The following CSMD1 variants were observed in gnomAD, a reference collection of about 807,000 sequenced individuals.
CSMD1 encodes the protein CUB and Sushi multiple domains 1.
CSMD1 carries 213 observed loss-of-function variants against 417.5 expected under a neutral mutation model. The ratio of observed to expected loss-of-function variants is 0.51; its 90% CI spans 0.46 to 0.57. CSMD1 has a LOEUF of 0.57. Among genes scored for constraint, CSMD1 ranks in the 20% least tolerant of loss-of-function variants. The pLI is 0.00. For missense variants in CSMD1, 6,923 were observed against 4,529.7 expected (o/e 1.53, Z -15.17); for synonymous variants, 2,862 against 1,736.8 (o/e 1.65, Z -16.11).
intron 5 of CSMD1, among the ~76,000 whole-genome samples, chr8:3,906,512 G>C: frequency 7.1e-6 from 1 of 140,930 alleles, no homozygotes; most frequent in Non-Finnish European, 1.5e-5. Context: ...GAAAAAACAA[G>C]GTTGTGCTCA....
intron 5 of CSMD1, among the ~76,000 whole-genome samples, chr8:3,786,700 T>C (rs1799474963): frequency 6.6e-6 from 1 of 152,212 alleles, no homozygotes; most frequent in Non-Finnish European, 1.5e-5. Flanking sequence ...AACCATGTAT[T>C]TCTCACTGTC....
chr8:4,699,229 TAAAGGATAACTTTC>T (rs1201168126), intron 1 of CSMD1, among the ~76,000 whole-genome samples: 1 of 152,228 alleles, frequency 6.6e-6, no homozygotes, highest in African/African-American at 2.4e-5. Flanking sequence ...TTCCTTTGCT[TAAAGGATAACTTTC>T]AAAGAGTTTA....
At position 2,967,039 on chromosome 8, in the gene CSMD1, G is replaced by C. The variant is rs893317541; in HGVS notation, c.8924-293C>G. The stretch of plus-strand genomic sequence containing the variant: ...TAAAAGTTCAAGGCCCTGTTATTCA[G>C]GGACTGAATGTTTTTAATAGCCTTG... On this transcript the variant is annotated intron_variant, in intron 57 of 69. Coordinates refer to ENST00000635120, the MANE Select transcript of CSMD1 (RefSeq NM_033225.6). 9.2e-5 allele frequency among the ~76,000 whole-genome samples: 14 copies of C among 152,284 alleles called. No homozygotes were observed. The East Asian group carries it at 2.1e-3, about 23-fold the overall frequency.
intron 1 of CSMD1, among the ~76,000 whole-genome samples, chr8:4,703,424 A>C (rs1684537711): frequency 6.6e-6 from 1 of 152,196 alleles, no homozygotes; most frequent in African/African-American, 2.4e-5. Context: ...GTAATTTCGT[A>C]CTTAGAACAT....
At chr8:4,709,294 G>A (rs888650217) in intron 1 of CSMD1, among the ~76,000 whole-genome samples, 2 of 152,200 alleles carry the variant, frequency 1.3e-5, no homozygotes, top group African/African-American at 4.8e-5. Flanking sequence ...GCAGGTAGAA[G>A]GAGGTGCTGA....
At chr8:4,685,582 A>T (rs1003436865) in intron 1 of CSMD1, among the ~76,000 whole-genome samples, 2 of 152,042 alleles carry the variant, frequency 1.3e-5, no homozygotes, top group East Asian at 1.9e-4. Flanking sequence ...TCTTTAAAAG[A>T]AAAAAAGAAA....
At chr8:4,131,253 G>T (rs1803084869) in intron 3 of CSMD1, among the ~76,000 whole-genome samples, 1 of 152,172 alleles carries the variant, frequency 6.6e-6, no homozygotes. Context: ...AGTACAGAAA[G>T]GTAGGAGATG....
At chr8:4,942,184 T>A (rs920392980) in intron 1 of CSMD1, among the ~76,000 whole-genome samples, 1 of 152,170 alleles carries the variant, frequency 6.6e-6, no homozygotes, top group Non-Finnish European at 1.5e-5. Context: ...CATCCACTTT[T>A]GCTTCCTTCC....
chr8:3,783,140 T>C (rs1010151010), intron 5 of CSMD1, among the ~76,000 whole-genome samples: 2 of 152,206 alleles, frequency 1.3e-5, no homozygotes, highest in Non-Finnish European at 2.9e-5. Flanking sequence ...AGAAGGAGAT[T>C]ATTTTTGACA....
chr8:4,021,285 A>G (rs1320658542), intron 4 of CSMD1, among the ~76,000 whole-genome samples: 2 of 152,202 alleles, frequency 1.3e-5, no homozygotes, highest in Non-Finnish European at 1.5e-5. Flanking sequence ...TTAAAATTAT[A>G]ATCCTTTGGA....
At chr8:3,301,824 G>C (rs969417463) in intron 25 of CSMD1, among the ~76,000 whole-genome samples, 1 of 152,154 alleles carries the variant, frequency 6.6e-6, no homozygotes, top group African/African-American at 2.4e-5. Flanking sequence ...GGGAAGGTCA[G>C]TTGAGAGAAG....
chr8:4,852,001 G>A (rs1019348286), intron 1 of CSMD1, among the ~76,000 whole-genome samples: 5 of 152,116 alleles, frequency 3.3e-5, no homozygotes, highest in South Asian at 2.1e-4. Flanking sequence ...CTCTCTGGAC[G>A]CTTGATCTGT....
chr8:4,341,205 G>A (rs1202206035), intron 3 of CSMD1, among the ~76,000 whole-genome samples: 9 of 152,034 alleles, frequency 5.9e-5, no homozygotes, highest in Non-Finnish European at 1.5e-5. Flanking sequence ...TGCAATGAAG[G>A]CAAGTTTCCA....
intron 49 of CSMD1, among the ~76,000 whole-genome samples, chr8:3,066,502 G>A (rs1029760462): frequency 6.6e-6 from 1 of 152,188 alleles, no homozygotes; most frequent in Non-Finnish European, 1.5e-5. Context: ...CTGACGACAT[G>A]TATTTTGAAG....
intron 23 of CSMD1, among the ~76,000 whole-genome samples, chr8:3,310,014 ATAATTT>A (rs2117405452): frequency 6.6e-6 from 1 of 152,346 alleles, no homozygotes; most frequent in African/African-American, 2.4e-5. Flanking sequence ...AGAGACACCA[ATAATTT>A]TAATTCAGAT....
At chr8:4,016,142 G>C (rs1796512223) in intron 4 of CSMD1, among the ~76,000 whole-genome samples, 2 of 152,116 alleles carry the variant, frequency 1.3e-5, no homozygotes, top group African/African-American at 2.4e-5. Flanking sequence ...AAACATTTTA[G>C]ATAGGATTGC....
chr8:3,897,688 T>G (rs563195347), intron 5 of CSMD1, among the ~76,000 whole-genome samples: 3 of 152,262 alleles, frequency 2.0e-5, no homozygotes, highest in Non-Finnish European at 2.9e-5. Context: ...ATCAACTTCC[T>G]TTATCATGCC....
chr8:4,757,104 A>C (rs1811715016), intron 1 of CSMD1, among the ~76,000 whole-genome samples: 1 of 152,246 alleles, frequency 6.6e-6, no homozygotes, highest in Admixed American at 6.5e-5. Context: ...GACAAAGAAC[A>C]AACACAAACA....
intron 3 of CSMD1, among the ~76,000 whole-genome samples, chr8:4,396,299 A>T (rs1040760493): frequency 7.8e-6 from 1 of 127,750 alleles, no homozygotes; most frequent in Non-Finnish European, 1.6e-5. Flanking sequence ...TCATCTCTTA[A>T]AAGTAAAAAA....
Sources: allele counts gnomAD v4.1 joint callset (sites outside exome capture counted in the v4.1 genomes callset), GRCh38; gene constraint gnomAD v4.1.1; transcripts MANE v1.5; gene names NCBI Gene and HGNC (gene_info 2026-07-23, HGNC 2026-07-21).